The following TKT variants were observed in gnomAD, a reference collection of about 807,000 sequenced individuals.
The protein encoded by TKT is transketolase.
A neutral mutation model predicts 63.9 loss-of-function variants in TKT; 47 were observed. The ratio of observed to expected loss-of-function variants is 0.74; its 90% confidence interval spans 0.58 to 0.94. TKT has a LOEUF of 0.94. TKT is among the 40% of genes least tolerant of loss of function. The pLI is 0.00. For synonymous variants in TKT, 338 were observed against 334.1 expected (o/e 1.01, Z -0.13); for missense variants, 721 against 846.2 (o/e 0.85, Z 1.84).
chr3:53,242,189 T>C lies in TKT; in HGVS notation c.161A>G (p.His54Arg), dbSNP rs1705311283. 1 of 1,613,934 alleles carries C rather than the reference T, an allele frequency of 6.2e-7. No homozygotes were observed. Among genetic ancestry groups the C allele is most frequent in the Non-Finnish European group, 8.5e-7 (1 of 1,179,982 alleles). ...AAEIMAVLFF[H>R]TMRYKSQDPR... Reference sequence around the variant, plus strand: ...GTCCTGGGACTTGTAGCGCATGGTGTGGAAAAAGAGGACAGCCATGATCTC... The same window carrying C: ...GTCCTGGGACTTGTAGCGCATGGTGCGGAAAAAGAGGACAGCCATGATCTC... Residue 54 changes from histidine (H) to arginine (R), a missense_variant, in exon 2 of 14, where the codon CAC becomes CGC. His to Arg is a conservative substitution (Grantham distance 29). Coordinates refer to ENST00000462138, the MANE Select transcript of TKT (RefSeq NM_001064.4).
intron 4 of TKT, among the ~76,000 whole-genome samples, chr3:53,235,819 T>C (rs1705001321): frequency 6.6e-6 from 1 of 152,232 alleles, no homozygotes; most frequent in Non-Finnish European, 1.5e-5. Context: ...CACCTGGCTC[T>C]TTCTCTACCA....
chr3:53,229,220 C>T (rs1203737813), intron 9 of TKT, 60 bp downstream of exon 9: 13 of 1,613,024 alleles, frequency 8.1e-6, no homozygotes, highest in Non-Finnish European at 1.1e-5. Flanking sequence ...ATCCCCCTCC[C>T]ATACCTCCTG....
chr3:53,230,291 G>A (rs561968286), intron 8 of TKT, among the ~76,000 whole-genome samples, 166 bp downstream of exon 8: 1 of 152,334 alleles, frequency 6.6e-6, no homozygotes, highest in Non-Finnish European at 1.5e-5. Flanking sequence ...CTCCCAAACT[G>A]TGGCTGTTCA....
rs782166648 is a variant in TKT, at chr3:53,228,111, G to A, written c.1518C>T (p.Ile506=). 32 of 1,613,832 alleles carry A rather than the reference G, an allele frequency of 2.0e-5. No individual in the cohort carries two copies. The Admixed American group carries it at 2.8e-4, about 14-fold the overall frequency. Residue 506 remains isoleucine (I), a synonymous_variant, in exon 12 of 14, where the codon ATC becomes ATT. Transcript: ENST00000462138. Reference sequence around the variant, plus strand: ...CCTCGTGCAGGGTCACCCCAGCCCCGATAACGGTCACCTGGTCATCCTTGC... The same window carrying A: ...CCTCGTGCAGGGTCACCCCAGCCCCAATAACGGTCACCTGGTCATCCTTGC... The part of the protein sequence containing the change: ...LKSKDDQVTV[I]GAGVTLHEAL...
At chr3:53,254,527 T>G (rs573559045) in intron 1 of TKT, among the ~76,000 whole-genome samples, 3 of 152,212 alleles carry the variant, frequency 2.0e-5, no homozygotes, top group Non-Finnish European at 4.4e-5. Context: ...CTTAATAATA[T>G]ATCCTGAATG....
At chr3:53,246,101 C>T (rs1705491224) in intron 1 of TKT, among the ~76,000 whole-genome samples, 1 of 152,064 alleles carries the variant, frequency 6.6e-6, no homozygotes, top group African/African-American at 2.4e-5. Context: ...AACCCTGTAT[C>T]TACTACAAAT....
chr3:53,255,927 T>A lies in TKT; in HGVS notation c.16A>T (p.Lys6Ter). MESYH[K>*]PDQQKLQALK... Reference sequence around the variant, plus strand: ...GCCTGCAGCTTCTGCTGGTCAGGCTTGTGGTAGCTCTCCATGGTGCGGCAG... The same window carrying A: ...GCCTGCAGCTTCTGCTGGTCAGGCTAGTGGTAGCTCTCCATGGTGCGGCAG... Residue 6 changes from lysine (K) to a stop codon, truncating the protein, a stop_gained, in exon 1 of 14, where the codon AAG (lysine) becomes TAG (stop). Transcript: ENST00000462138. LOFTEE classifies it high-confidence loss of function. 1 of 1,538,046 alleles carries A rather than the reference T, an allele frequency of 6.5e-7. No homozygotes were observed. Among genetic ancestry groups the A allele is most frequent in the Non-Finnish European group, 8.8e-7 (1 of 1,141,310 alleles).
chr3:53,247,658 TACTC>T (rs1364119355), intron 1 of TKT, among the ~76,000 whole-genome samples: 1 of 73,494 alleles, frequency 1.4e-5, no homozygotes, highest in African/African-American at 4.5e-5. Flanking sequence ...AAAAAAAAAA[TACTC>T]AGGAGAGAAT....
At chr3:53,234,489 T>G (rs1341791824) in intron 5 of TKT, 4 of 152,574 alleles carry the variant, frequency 2.6e-5, no homozygotes, top group African/African-American at 9.7e-5. Flanking sequence ...TTGTGCCCTT[T>G]GACCCTGAAT....
At chr3:53,250,483 C>T (rs1553681500) in intron 1 of TKT, among the ~76,000 whole-genome samples, 3 of 152,194 alleles carry the variant, frequency 2.0e-5, no homozygotes, top group East Asian at 1.9e-4. Context: ...ATCCATGAAC[C>T]TCTCCTTTCA....
rs369574554 is a variant in TKT, at chr3:53,229,343, G to A, written c.1201C>T (p.Arg401Cys). 1.5e-5 allele frequency: 25 copies of A among 1,613,814 alleles called. No individual in the cohort carries two copies. The highest frequency in any genetic ancestry group is 2.7e-5 in the African/African-American group (2 of 74,894). ...AFFTRAFDQI[R>C]MAAISESNIN... is the part of the protein sequence containing the mutation. ...TTGCTCTCGGAGATGGCGGCCATGC[G>A]AATCTGGTCAAAGGCCCGCGTGAAG... Residue 401 changes from arginine to cysteine, a missense_variant, in exon 9 of 14, where the codon CGC (arginine) becomes TGC (cysteine). By Grantham distance (180) the Arg-to-Cys change is radical. Coordinates refer to ENST00000462138, the MANE Select transcript of TKT (RefSeq NM_001064.4).
rs1553677041 is a variant in TKT, at chr3:53,231,465, G to A, written c.834C>T (p.Ile278=). The A allele has an allele frequency of 1.2e-6, 2 of 1,614,162 alleles. No individual in the cohort carries two copies. The highest frequency in any genetic ancestry group is 2.2e-5 in the South Asian group (2 of 91,084). ...TTGCCAGGATCTTCTTTTTGCTCTG[G>A]ATCTGGCTGTAGATCTCCTGGATGA... ...EQIIQEIYSQ[I]QSKKKILATP... is the part of the protein sequence containing the mutation. Residue 278 remains isoleucine (I), a synonymous_variant, in exon 7 of 14, where the codon ATC becomes ATT. Coordinates refer to ENST00000462138, the MANE Select transcript of TKT (RefSeq NM_001064.4).
intron 12 of TKT, chr3:53,227,705 C>G (rs1553675849): frequency 4.4e-6 from 1 of 227,060 alleles, no homozygotes; most frequent in Non-Finnish European, 8.8e-6. Context: ...GATAGGAAAA[C>G]AGGCATGGTG....
rs1055314555 is a variant in TKT, at chr3:53,235,290, T to C, written c.438-116A>G. The C allele has an allele frequency of 7.0e-5, 67 of 962,674 alleles. 1 individual carries two copies. The highest frequency in any genetic ancestry group is 9.4e-5 in the Non-Finnish European group (65 of 687,938). The allele number at this position is 962,674 out of a possible 1,614,324, so 59.6% of individuals were successfully genotyped here. ...GTAAAGGAGCAGCCACGCATGGATA[T>C]GCAGAACAGATGGCATTTACACTCG... On this transcript the variant is annotated intron_variant, in intron 4 of 13. Transcript: ENST00000462138.
intron 1 of TKT, among the ~76,000 whole-genome samples, chr3:53,249,300 T>G (rs1705649573): frequency 6.6e-6 from 1 of 151,406 alleles, no homozygotes; most frequent in African/African-American, 2.4e-5. Context: ...AAAAAGGGCC[T>G]GGAGCAGTGG....
chr3:53,230,232 G>A (rs944503330), intron 8 of TKT, among the ~76,000 whole-genome samples: 2 of 152,216 alleles, frequency 1.3e-5, no homozygotes, highest in Admixed American at 1.3e-4. Context: ...AGTCCCATTC[G>A]GCTCCCCCAT....
At chr3:53,227,909 A>C (rs537071570) in intron 12 of TKT, 147 bp downstream of exon 12, 1 of 710,554 alleles carries the variant, frequency 1.4e-6, no homozygotes, top group East Asian at 2.8e-5. Context: ...GGATGGCTAT[A>C]ATTGCTATCA....
At position 53,228,162 on chromosome 3, in the gene TKT, C is replaced by G. The variant is rs782609381; in HGVS notation, c.1480-13G>C. 15 of 1,613,976 alleles carry G rather than the reference C, an allele frequency of 9.3e-6. No homozygotes were observed. The highest frequency in any genetic ancestry group is 2.2e-5 in the South Asian group (2 of 91,080). Reference sequence around the variant, plus strand: ...TCTTCAGGACCACCTGGGGGTGACACAGAGGGTGAGTAAGGCTCAGGGCCC... The same window carrying G: ...TCTTCAGGACCACCTGGGGGTGACAGAGAGGGTGAGTAAGGCTCAGGGCCC... On this transcript the variant is annotated splice_polypyrimidine_tract_variant and intron_variant, in intron 11 of 13. Transcript: ENST00000462138.
intron 13 of TKT, chr3:53,226,247 G>A (rs1704493986): frequency 3.4e-6 from 1 of 296,530 alleles, no homozygotes; most frequent in Non-Finnish European, 6.3e-6. Context: ...GCCCAAATAT[G>A]GCCTCTAAAT....
Sources: gnomAD v4.1 joint callset for allele counts (sites outside exome capture counted in the v4.1 genomes callset) on GRCh38, gnomAD v4.1.1 for gene constraint, MANE v1.5 for transcripts, NCBI Gene and HGNC (gene_info 2026-07-23, HGNC 2026-07-21) for gene names.